The following GPRC5B variants were observed in gnomAD, a reference collection of about 807,000 sequenced individuals.
GPRC5B encodes the protein G protein-coupled receptor family C group 5 member B.
A neutral mutation model predicts 30.1 loss-of-function variants in GPRC5B; 16 were observed. The observed-to-expected ratio is 0.53, with a 90% confidence interval of 0.36 to 0.81. The LOEUF is 0.81. Among genes scored for constraint, GPRC5B ranks in the 30% least tolerant of loss-of-function variants. The pLI is 0.01. For missense variants in GPRC5B, 428 were observed against 544.7 expected (o/e 0.79, Z 2.13); for synonymous variants, 241 against 239.5 (o/e 1.01, Z -0.06).
chr16:19,875,311 G>A (rs899067944), intron 1 of GPRC5B, among the ~76,000 whole-genome samples: 3 of 152,296 alleles, frequency 2.0e-5, no homozygotes, highest in African/African-American at 4.8e-5. Context: ...GGCATCGGTC[G>A]GCCTGCAATC....
chr16:19,861,151 A>C (rs905250568), intron 3 of GPRC5B, among the ~76,000 whole-genome samples: 3 of 151,664 alleles, frequency 2.0e-5, no homozygotes, highest in African/African-American at 7.3e-5. Context: ...GATATAAAGA[A>C]TGGAAACCCA....
intron 3 of GPRC5B, among the ~76,000 whole-genome samples, chr16:19,860,933 G>C (rs2056616527): frequency 6.6e-6 from 1 of 151,986 alleles, no homozygotes. Flanking sequence ...CAATAAAACA[G>C]CCCAGTCGTT....
chr16:19,880,969 C>T (rs2056802941), intron 1 of GPRC5B: 1 of 152,212 alleles, frequency 6.6e-6, no homozygotes, highest in African/African-American at 2.4e-5. Context: ...TCTTAACCTA[C>T]CTTCTCTAAA....
intron 1 of GPRC5B, among the ~76,000 whole-genome samples, chr16:19,876,429 G>A (rs9938509): frequency 2.0e-5 from 3 of 152,226 alleles, no homozygotes; most frequent in South Asian, 2.1e-4. Context: ...GAGAATCGAT[G>A]GGGAAGATGC....
At chr16:19,880,218 G>A (rs1413117362) in intron 1 of GPRC5B, among the ~76,000 whole-genome samples, 1 of 151,360 alleles carries the variant, frequency 6.6e-6, no homozygotes, top group Admixed American at 6.6e-5. Context: ...TGTCTGAGGT[G>A]GTGAGCTCTT....
intron 1 of GPRC5B, 95 bp downstream of exon 1, chr16:19,884,632 A>G (rs1475965985): frequency 3.4e-6 from 3 of 890,714 alleles, no homozygotes; most frequent in Non-Finnish European, 4.0e-6. Context: ...GAAAAACACA[A>G]GAAGCGGACC....
rs201217752 is a variant in GPRC5B at position 19,871,783 on chromosome 16, C to A, written c.1030+33G>T. 8.4e-4 allele frequency: 1,332 copies of A among 1,590,680 alleles called. 3 individuals are homozygous for A. Among genetic ancestry groups the A allele is most frequent in the Middle Eastern group, 6.8e-3 (41 of 5,990 alleles). Reference sequence around the variant, plus strand: ...GTATCTTTTGAGATGAATGGTCCCCCGGCCTGACCCAGCCGGGTGGTGCCC... The same window carrying A: ...GTATCTTTTGAGATGAATGGTCCCCAGGCCTGACCCAGCCGGGTGGTGCCC... On this transcript the variant is annotated intron_variant, in intron 2 of 3. Transcript: ENST00000300571.
At chr16:19,884,238 C>G (rs2056832906) in intron 1 of GPRC5B, among the ~76,000 whole-genome samples, 2 of 150,572 alleles carry the variant, frequency 1.3e-5, no homozygotes. Context: ...GCTTGACCCC[C>G]AGCCCCCGCG....
At chr16:19,863,703 A>T (rs191229237) in intron 2 of GPRC5B, among the ~76,000 whole-genome samples, 11 of 151,948 alleles carry the variant, frequency 7.2e-5, no homozygotes, top group Admixed American at 2.0e-4. Flanking sequence ...GGGTTTCACC[A>T]TGTTGGCCAA....
At position 19,878,905 on chromosome 16, in the gene GPRC5B, G is replaced by T. The variant is rs892611185; in HGVS notation, c.-2+5822C>A. Among the ~76,000 whole-genome samples the T allele has an allele frequency of 2.0e-5, 3 of 152,206 alleles. No homozygotes were observed. The East Asian group carries it at 5.8e-4, about 29-fold the overall frequency. On this transcript the variant is annotated intron_variant, in intron 1 of 3. Transcript: ENST00000300571. ...CGCCCTGGAGCTCTTTAGAAATGCA[G>T]ATTCTCAGGGCGTGGGTCCAGCCAC...
At position 19,861,951 on chromosome 16, in the gene GPRC5B, G is replaced by A; in HGVS notation, c.1053C>T (p.Pro351=). ...HNAALRTAGF[P]NGSLGKRPSG... ...TGGGTCTTTTTCCCAAGCTGCCGTTGGGAAATCCTGCTGTTCGGAGAGCTG... is the reference window on the plus strand; with the variant it reads ...TGGGTCTTTTTCCCAAGCTGCCGTTAGGAAATCCTGCTGTTCGGAGAGCTG... The change falls in exon 3 of 4, where the codon CCC becomes CCT. Residue 351 remains proline, a synonymous_variant. Coordinates refer to ENST00000300571, the MANE Select transcript of GPRC5B (RefSeq NM_016235.3). 6.2e-7 allele frequency: 1 copy of A among 1,613,908 alleles called. No individual in the cohort carries two copies. The highest frequency in any genetic ancestry group is 8.5e-7 in the Non-Finnish European group (1 of 1,179,878).
At chr16:19,863,488 GTTC>G (rs1429371933) in intron 2 of GPRC5B, among the ~76,000 whole-genome samples, 6 of 116,544 alleles carry the variant, frequency 5.1e-5, no homozygotes, top group Non-Finnish European at 8.4e-5. Context: ...AGGAATCTGT[GTTC>G]TTTTTTTTTT....
At chr16:19,885,525 C>T (rs1194032662), upstream of GPRC5B, 2 of 1,123,634 alleles carry the variant, frequency 1.8e-6, no homozygotes, top group African/African-American at 3.3e-5. The surrounding 1 kb of genome is among the most constrained non-coding windows in gnomAD (Gnocchi z 5.3). Context: ...CCTCGAAACA[C>T]ACACGTCCAG....
At chr16:19,862,981 T>C (rs946194424) in intron 2 of GPRC5B, among the ~76,000 whole-genome samples, 2 of 152,314 alleles carry the variant, frequency 1.3e-5, no homozygotes, top group East Asian at 1.9e-4. Flanking sequence ...TTTTTGCTTT[T>C]GTTTGTTTGT....
At chr16:19,862,532 A>G (rs1003697038) in intron 2 of GPRC5B, among the ~76,000 whole-genome samples, 3 of 152,142 alleles carry the variant, frequency 2.0e-5, no homozygotes, top group African/African-American at 7.2e-5. Flanking sequence ...GGTGTTTCTT[A>G]TTTACTGAAC....
rs1411414411 is a variant in GPRC5B at position 19,872,193 on chromosome 16, G to A, written c.653C>T (p.Ala218Val). The A allele has an allele frequency of 1.2e-6, 2 of 1,614,128 alleles. No homozygotes were observed. The highest frequency in any genetic ancestry group is 1.7e-6 in the Non-Finnish European group (2 of 1,180,016). ...GAACTTGCCGCACAGAGTGAAGAGG[G>A]CCAGCCCCAGGGTGACCACAAGCAG... is the stretch of plus-strand genomic sequence containing the variant. ...MVLLVVTLGL[A>V]LFTLCGKFKR... The change falls in exon 2 of 4, where the codon GCC (alanine) becomes GTC (valine). Residue 218 changes from alanine to valine, a missense_variant. By Grantham distance (64) the Ala-to-Val change is moderately conservative. Coordinates refer to ENST00000300571, the MANE Select transcript of GPRC5B (RefSeq NM_016235.3). The surrounding 1 kb of genome is among the most constrained non-coding windows in gnomAD (Gnocchi z 5.0).
chr16:19,875,640 G>A (rs555481994), intron 1 of GPRC5B, among the ~76,000 whole-genome samples: 98 of 152,190 alleles, frequency 6.4e-4, no homozygotes, highest in African/African-American at 2.2e-3. Flanking sequence ...TTAGCTGGGC[G>A]TGGTGCCACG....
At chr16:19,875,905 A>G (rs2056756297) in intron 1 of GPRC5B, among the ~76,000 whole-genome samples, 1 of 152,240 alleles carries the variant, frequency 6.6e-6, no homozygotes, top group Non-Finnish European at 1.5e-5. Flanking sequence ...GCTTGTCACG[A>G]GGTACTAAAG....
At position 19,861,939 on chromosome 16, in the gene GPRC5B, C is replaced by T. The variant is rs778431012; in HGVS notation, c.1065G>A (p.Leu355=). ...CCAAGCTGCCACTGGGTCTTTTTCCCAAGCTGCCGTTGGGAAATCCTGCTG... is the reference window on the plus strand; with the variant it reads ...CCAAGCTGCCACTGGGTCTTTTTCCTAAGCTGCCGTTGGGAAATCCTGCTG... ...LRTAGFPNGS[L]GKRPSGSLGK... Residue 355 remains leucine, a synonymous_variant, in exon 3 of 4, where the codon TTG becomes TTA. Transcript: ENST00000300571. 8.7e-6 allele frequency: 14 copies of T among 1,613,770 alleles called. No homozygotes were observed. The highest frequency in any genetic ancestry group is 1.3e-5 in the African/African-American group (1 of 74,914).
Sources: allele counts gnomAD v4.1 joint callset (sites outside exome capture counted in the v4.1 genomes callset), GRCh38; gene constraint gnomAD v4.1.1; non-coding constraint Gnocchi (gnomAD v3.1); transcripts MANE v1.5; gene names NCBI Gene and HGNC (gene_info 2026-07-23, HGNC 2026-07-21).